FGFR2: variants seen among roughly 807,000 people sequenced by gnomAD.
FGFR2 encodes fibroblast growth factor receptor 2.
FGFR2 carries 19 observed loss-of-function variants against 95.9 expected under a neutral mutation model. The ratio of observed to expected loss-of-function variants is 0.20; its 90% CI spans 0.14 to 0.29. The LOEUF is 0.29. FGFR2 is among the 10% of genes least tolerant of loss of function. The pLI is 1.00. For synonymous variants in FGFR2, 392 were observed against 393.3 expected (o/e 1.00, Z 0.04); for missense variants, 707 against 1,056.9 (o/e 0.67, Z 4.59).
At chr10:121,554,950 C>T (rs1274780358) in intron 4 of FGFR2, among the ~76,000 whole-genome samples, 4 of 152,108 alleles carry the variant, frequency 2.6e-5, no homozygotes, top group Non-Finnish European at 4.4e-5. Context: ...TACCAAGGCT[C>T]GTGAACAGCT....
At chr10:121,567,034 G>A (rs1236690243) in intron 2 of FGFR2, among the ~76,000 whole-genome samples, 1 of 152,134 alleles carries the variant, frequency 6.6e-6, no homozygotes, top group Admixed American at 6.5e-5. Context: ...GGGACCCAGA[G>A]TTCCAGGCCT....
intron 5 of FGFR2, among the ~76,000 whole-genome samples, chr10:121,543,321 C>T (rs572389821): frequency 6.6e-6 from 1 of 152,260 alleles, no homozygotes; most frequent in African/African-American, 2.4e-5. Flanking sequence ...GCCAGCCTGG[C>T]CAACATGGTG....
At chr10:121,494,191 G>A (rs1352325600) in intron 13 of FGFR2, among the ~76,000 whole-genome samples, 1 of 151,866 alleles carries the variant, frequency 6.6e-6, no homozygotes. Flanking sequence ...CAGCGTCCTG[G>A]CATGAGTAAG....
At chr10:121,558,646 CGCCCAGGCTGGGGTGCAGTG>C (rs1856524853) in intron 4 of FGFR2, among the ~76,000 whole-genome samples, 1 of 145,236 alleles carries the variant, frequency 6.9e-6, no homozygotes, top group African/African-American at 2.7e-5. Context: ...CTCACTCTGT[CGCCCAGGCTGGGGTGCAGTG>C]GCACAATTTC....
At chr10:121,552,023 CAA>C (rs60160986) in intron 4 of FGFR2, among the ~76,000 whole-genome samples, 13,875 of 149,784 alleles carry the variant, frequency 0.093, 1,684 homozygotes, top group African/African-American at 0.28. Context: ...AACAAACAAA[CAA>C]AAAAAAAAAC....
At chr10:121,499,197 G>C (rs767265487) in intron 11 of FGFR2, among the ~76,000 whole-genome samples, 2 of 152,126 alleles carry the variant, frequency 1.3e-5, no homozygotes, top group African/African-American at 4.8e-5. Flanking sequence ...ATAAACTTCC[G>C]CTCTGTAATT....
chr10:121,500,187 A>G (rs1219354584), intron 11 of FGFR2, among the ~76,000 whole-genome samples: 1 of 152,240 alleles, frequency 6.6e-6, no homozygotes, highest in East Asian at 1.9e-4. Flanking sequence ...TTCTTTGGAC[A>G]TGGGCATGAA....
chr10:121,560,810 C>T (rs969389493), intron 4 of FGFR2, among the ~76,000 whole-genome samples: 7 of 152,110 alleles, frequency 4.6e-5, no homozygotes, highest in Non-Finnish European at 8.8e-5. Flanking sequence ...CAGACCTCCA[C>T]GTGCAAATTC....
intron 10 of FGFR2, among the ~76,000 whole-genome samples, chr10:121,502,050 T>G (rs1847667882): frequency 6.6e-6 from 1 of 152,210 alleles, no homozygotes; most frequent in African/African-American, 2.4e-5. Context: ...TTTTCCACAC[T>G]CAGGGTACCC....
intron 3 of FGFR2, 47 bp downstream of exon 3, chr10:121,565,391 T>A: frequency 6.2e-7 from 1 of 1,611,410 alleles, no homozygotes; most frequent in East Asian, 2.2e-5. Context: ...CAAAAAAATG[T>A]AATGGCTACA....
intron 13 of FGFR2, among the ~76,000 whole-genome samples, chr10:121,495,714 G>A (rs1030029154): frequency 6.6e-6 from 1 of 152,130 alleles, no homozygotes; most frequent in African/African-American, 2.4e-5. Context: ...GAGGGTGCAC[G>A]CCGACCAGAG....
intron 1 of FGFR2, among the ~76,000 whole-genome samples, chr10:121,596,277 C>T (rs1453706197): frequency 6.6e-6 from 1 of 152,208 alleles, no homozygotes; most frequent in Non-Finnish European, 1.5e-5. Flanking sequence ...AAGCCTGCCC[C>T]CAAAGACAGG....
chr10:121,576,735 A>C (rs1270968377), intron 2 of FGFR2, among the ~76,000 whole-genome samples: 1 of 152,112 alleles, frequency 6.6e-6, no homozygotes, highest in Admixed American at 6.5e-5. Context: ...ACCTGTCTCA[A>C]CAGACAGCTA....
chr10:121,545,060 T>C (rs1277626371), intron 5 of FGFR2, among the ~76,000 whole-genome samples: 1 of 152,176 alleles, frequency 6.6e-6, no homozygotes, highest in African/African-American at 2.4e-5. Context: ...GGAGGATCAC[T>C]TGAACCCAGG....
At position 121,505,739 on chromosome 10, in the gene FGFR2, G is replaced by C. The variant is rs1044984668; in HGVS notation, c.1288-1798C>G. 3.9e-5 allele frequency among the ~76,000 whole-genome samples: 6 copies of C among 152,122 alleles called. No individual in the cohort carries two copies. The East Asian group carries it at 1.2e-3, about 29-fold the overall frequency. ...CTGTAGTGAGCTAACCTCGTCTGCG[G>C]GACACATCAGAAGCCAGGAACTTTC... On this transcript the variant is annotated intron_variant, in intron 9 of 17. Coordinates refer to ENST00000358487, the MANE Select transcript of FGFR2 (RefSeq NM_000141.5).
At chr10:121,511,341 T>G (rs1321987198) in intron 9 of FGFR2, among the ~76,000 whole-genome samples, 1 of 152,136 alleles carries the variant, frequency 6.6e-6, no homozygotes, top group Non-Finnish European at 1.5e-5. Context: ...AAGAAACTGA[T>G]GTGCTCGATG....
chr10:121,540,215 C>T (rs1267644335), intron 5 of FGFR2, among the ~76,000 whole-genome samples: 1 of 152,188 alleles, frequency 6.6e-6, no homozygotes, highest in African/African-American at 2.4e-5. Context: ...CAGAGTCTAA[C>T]AGCCTGGAGC....
At chr10:121,521,976 A>AGG (rs1850614900) in intron 6 of FGFR2, among the ~76,000 whole-genome samples, 1 of 152,210 alleles carries the variant, frequency 6.6e-6, no homozygotes, top group Non-Finnish European at 1.5e-5. Flanking sequence ...AAGAAGGAGG[A>AGG]AATGGTGCAA....
intron 6 of FGFR2, 132 bp downstream of exon 6, chr10:121,538,460 A>G (rs753984944): frequency 5.4e-6 from 7 of 1,290,640 alleles, no homozygotes; most frequent in Non-Finnish European, 7.9e-6. Context: ...GTAAAATGAT[A>G]GTAGAAAGAA....
Sources: allele counts gnomAD v4.1 joint callset (sites outside exome capture counted in the v4.1 genomes callset), GRCh38; gene constraint gnomAD v4.1.1; transcripts MANE v1.5; gene names NCBI Gene and HGNC (gene_info 2026-07-23, HGNC 2026-07-21).